AK9: variants seen among roughly 807,000 people sequenced by gnomAD.
The protein encoded by AK9 is adenylate kinase domain containing 1.
In AK9, 191 loss-of-function variants were observed where a neutral mutation model predicts 239.6. That is an observed-to-expected ratio of 0.80 (90% CI 0.71 to 0.90). AK9 has a LOEUF of 0.90. AK9 is among the 40% of genes least tolerant of loss of function. The pLI, the probability that AK9 is intolerant of heterozygous loss-of-function variation, is 0.00. For missense variants in AK9, 1,995 were observed against 2,214.7 expected, an observed-to-expected ratio of 0.90 and a Z score of 1.99; for synonymous variants, 689 against 721.0, an observed-to-expected ratio of 0.96 and a Z score of 0.71.
intron 32 of AK9, among the ~76,000 whole-genome samples, chr6:109,512,759 C>T (rs1295412212): frequency 2.0e-5 from 3 of 152,192 alleles, no homozygotes; most frequent in Non-Finnish European, 4.4e-5. Flanking sequence ...ATACTACAAC[C>T]AACCAAGTTT....
At chr6:109,526,409 G>A (rs1780525638) in intron 29 of AK9, among the ~76,000 whole-genome samples, 1 of 151,940 alleles carries the variant, frequency 6.6e-6, no homozygotes, top group Non-Finnish European at 1.5e-5. Context: ...GCCGGAAAAG[G>A]GGAACAGAGA....
In AK9 at chr6:109,674,209, A is replaced by G. The variant is rs1214631372; in HGVS notation, c.170T>C (p.Ile57Thr). 2 of 1,580,304 alleles carry G rather than the reference A, an allele frequency of 1.3e-6. No individual in the cohort carries two copies. Among genetic ancestry groups the G allele is most frequent in the Admixed American group, 3.8e-5 (2 of 52,600 alleles). ...AAGATAAAATTTACCTTCAACACGAATACATTTCCATGCCTGTGTTATGTA... is the reference window on the plus strand; with the variant it reads ...AAGATAAAATTTACCTTCAACACGAGTACATTTCCATGCCTGTGTTATGTA... ...ARYITQAWKC[I>T]RVEALPILEE... The change falls in exon 3 of 41, where the codon ATT (isoleucine) becomes ACT (threonine). Residue 57 changes from isoleucine (I) to threonine (T), a missense_variant. Physicochemically the swap from Ile to Thr is moderately conservative, Grantham distance 89. This residue lies in a region of AK9 where 252 missense variants were observed against 246.4 expected (regional missense o/e 1.02). Transcript: ENST00000424296.
chr6:109,587,518 C>T (rs1001023592), intron 17 of AK9, among the ~76,000 whole-genome samples: 2 of 152,124 alleles, frequency 1.3e-5, no homozygotes, highest in African/African-American at 4.8e-5. Flanking sequence ...CACTTCCCCA[C>T]CCCTCTGATA....
chr6:109,568,951 A>T (rs1395359580), intron 21 of AK9, among the ~76,000 whole-genome samples: 5 of 152,224 alleles, frequency 3.3e-5, no homozygotes, highest in African/African-American at 4.8e-5. Flanking sequence ...TATGCAATGA[A>T]AAAAGAGCCC....
At chr6:109,655,999 GAC>G (rs1224717558) in intron 8 of AK9, among the ~76,000 whole-genome samples, 1 of 152,202 alleles carries the variant, frequency 6.6e-6, no homozygotes, top group Admixed American at 6.6e-5. Context: ...AACACTGTGA[GAC>G]AGCATGAAAC....
chr6:109,632,639 A>G (rs1031340564), intron 12 of AK9: 15 of 557,166 alleles, frequency 2.7e-5, no homozygotes, highest in African/African-American at 4.0e-5. Flanking sequence ...GAACCAAGAA[A>G]GCTAATAGGT....
At chr6:109,573,681 GA>G in intron 20 of AK9, 87 bp from the exon 21 acceptor site, 1 of 1,293,270 alleles carries the variant, frequency 7.7e-7, no homozygotes. Context: ...GCCAAACAAA[GA>G]ATATGAAATG....
intron 8 of AK9, among the ~76,000 whole-genome samples, chr6:109,655,590 T>G (rs1799576730): frequency 6.6e-6 from 1 of 152,244 alleles, no homozygotes; most frequent in South Asian, 2.1e-4. Flanking sequence ...TTTGTGCTGA[T>G]GAACATTTGT....
At position 109,506,364 on chromosome 6, in the gene AK9, A is replaced by G. The variant is rs771624262; in HGVS notation, c.4812T>C (p.Asn1604=). 1.2e-6 allele frequency: 2 copies of G among 1,613,608 alleles called. No homozygotes were observed. Among genetic ancestry groups the G allele is most frequent in the Non-Finnish European group, 1.7e-6 (2 of 1,179,924 alleles). The change falls in exon 35 of 41, where the codon AAT becomes AAC. Residue 1604 remains asparagine (N), a synonymous_variant. Transcript: ENST00000424296. ...NEVIKNVQMV[N]KYMQTYLERI... is the part of the protein sequence containing the mutation. ...TTTCCAGGTATGTCTGCATGTATTT[A>G]TTCACCATTTGAACATTCTTAATGA...
intron 38 of AK9, 109 bp downstream of exon 38, chr6:109,497,356 A>T (rs796585096): frequency 0.013 from 7,590 of 572,964 alleles, 194 homozygotes; most frequent in African/African-American, 0.087. Flanking sequence ...ACACACACAC[A>T]CACACACTCT....
intron 12 of AK9, among the ~76,000 whole-genome samples, chr6:109,630,563 T>C (rs180976913): frequency 6.6e-6 from 1 of 152,166 alleles, no homozygotes; most frequent in Non-Finnish European, 1.5e-5. Context: ...TCAGTGAGGC[T>C]CGGTATGGTG....
intron 1 of AK9, among the ~76,000 whole-genome samples, chr6:109,680,961 A>T (rs2128351574): frequency 6.6e-6 from 1 of 152,354 alleles, no homozygotes; most frequent in East Asian, 1.9e-4. Flanking sequence ...CTAAACGTGG[A>T]AAGGAACAAC....
intron 12 of AK9, among the ~76,000 whole-genome samples, chr6:109,630,615 G>C (rs1241959382): frequency 6.6e-6 from 1 of 152,172 alleles, no homozygotes; most frequent in South Asian, 2.1e-4. Context: ...GCTGAGGCAG[G>C]AGGATCATTT....
intron 17 of AK9, among the ~76,000 whole-genome samples, chr6:109,602,887 G>C (rs573052947): frequency 5.3e-5 from 8 of 152,092 alleles, no homozygotes; most frequent in South Asian, 4.2e-4. Context: ...TTGTGTATTC[G>C]TCACGTAGTT....
intron 20 of AK9, among the ~76,000 whole-genome samples, chr6:109,574,289 GC>G (rs1350465723): frequency 2.0e-5 from 3 of 152,098 alleles, no homozygotes; most frequent in Non-Finnish European, 2.9e-5. Context: ...CAGGAGAATC[GC>G]TTGAACCCAG....
chr6:109,665,632 T>C (rs1801082988), intron 5 of AK9, among the ~76,000 whole-genome samples: 1 of 152,216 alleles, frequency 6.6e-6, no homozygotes, highest in Non-Finnish European at 1.5e-5. Flanking sequence ...TAACTCCTGG[T>C]CTGACACATT....
intron 27 of AK9, among the ~76,000 whole-genome samples, chr6:109,538,799 G>A (rs981513873): frequency 6.6e-6 from 1 of 152,098 alleles, no homozygotes; most frequent in Admixed American, 6.6e-5. Flanking sequence ...GGGCAGGCCT[G>A]GTGGTGACAA....
At chr6:109,617,755 AAG>A (rs369387799) in intron 13 of AK9, among the ~76,000 whole-genome samples, 2 of 152,316 alleles carry the variant, frequency 1.3e-5, no homozygotes, top group East Asian at 3.9e-4. Context: ...AATAGAAAAA[AAG>A]AGAGCAGCAA....
chr6:109,645,022 CT>C (rs1797867988), intron 8 of AK9, among the ~76,000 whole-genome samples: 1 of 152,208 alleles, frequency 6.6e-6, no homozygotes, highest in Non-Finnish European at 1.5e-5. Flanking sequence ...TCTGATTAAA[CT>C]TTAAGTCACA....
Sources: allele counts gnomAD v4.1 joint callset (sites outside exome capture counted in the v4.1 genomes callset), GRCh38; gene constraint gnomAD v4.1.1; regional missense constraint gnomAD v4.1.1; transcripts MANE v1.5; gene names NCBI Gene and HGNC (gene_info 2026-07-23, HGNC 2026-07-21).